ABHD2: variants seen among roughly 807,000 people sequenced by gnomAD.
ABHD2 encodes the protein monoacylglycerol lipase ABHD2.
A neutral mutation model predicts 48.1 loss-of-function variants in ABHD2; 20 were observed. That is an observed-to-expected ratio of 0.42 (90% CI 0.29 to 0.60). The LOEUF (loss-of-function observed/expected upper bound fraction) is 0.60. Ranked by LOEUF, ABHD2 falls within the 20% of genes least tolerant of loss-of-function variation. The probability of loss-of-function intolerance (pLI) is 0.24; values close to 1 mark genes in which losing one functional copy is unlikely to be tolerated. For missense variants in ABHD2, 405 were observed against 550.9 expected, an observed-to-expected ratio of 0.74 and a Z score of 2.65; for synonymous variants, 209 against 214.2, an observed-to-expected ratio of 0.98 and a Z score of 0.21.
At chr15:89,148,216 G>T (rs537350772) in intron 3 of ABHD2, among the ~76,000 whole-genome samples, 1 of 151,462 alleles carries the variant, frequency 6.6e-6, no homozygotes, top group African/African-American at 2.4e-5. Context: ...ATGGCTTAAT[G>T]TAGGGATAAT....
intron 3 of ABHD2, among the ~76,000 whole-genome samples, chr15:89,127,735 A>G (rs1350905641): frequency 7.0e-6 from 1 of 142,340 alleles, no homozygotes; most frequent in Non-Finnish European, 1.5e-5. Flanking sequence ...ATATATATAT[A>G]TATATGTATA....
At chr15:89,133,787 T>C (rs1341611144) in intron 3 of ABHD2, among the ~76,000 whole-genome samples, 2 of 152,096 alleles carry the variant, frequency 1.3e-5, no homozygotes, top group Non-Finnish European at 2.9e-5. Flanking sequence ...GTTCTCAGTT[T>C]GTCATTTGTC....
intron 6 of ABHD2, chr15:89,183,384 A>AAAAAAAAAAATATAT (rs61602174): frequency 2.2e-5 from 1 of 46,268 alleles, no homozygotes; most frequent in Non-Finnish European, 4.2e-5. Context: ...AAAAAAAAAA[A>AAAAAAAAAAATATAT]ATATATATAT....
Position 89,176,525 on chromosome 15 carries a change from T to C in ABHD2, c.722+530T>C, listed in dbSNP as rs542012919. On this transcript the variant is annotated intron_variant, in intron 6 of 10. Transcript: ENST00000352732. The surrounding 1 kb of genome is among the most constrained non-coding windows in gnomAD (Gnocchi z 4.5). ...CATCATCACAAAGGAGCTGATCTACTGGGTCAAGCTTTCTCCCACCCCTTA... is the reference window on the plus strand; with the variant it reads ...CATCATCACAAAGGAGCTGATCTACCGGGTCAAGCTTTCTCCCACCCCTTA... 6.6e-6 allele frequency among the ~76,000 whole-genome samples: 1 copy of C among 152,308 alleles called. No individual in the cohort carries two copies. The highest frequency in any genetic ancestry group is 6.5e-5 in the Admixed American group (1 of 15,306).
rs1408635535 is a variant in ABHD2, at chr15:89,097,054, T to C, written c.-107+8491T>C. Among the ~76,000 whole-genome samples the C allele has an allele frequency of 6.6e-6, 1 of 152,206 alleles. No homozygotes were observed. The highest frequency in any genetic ancestry group is 1.5e-5 in the Non-Finnish European group (1 of 68,046). ...TGAAAGTTGGGGTGAGCTTGGGCCTTTGTGACTAGCAGGACTGTTTGTCAT... is the reference window on the plus strand; with the variant it reads ...TGAAAGTTGGGGTGAGCTTGGGCCTCTGTGACTAGCAGGACTGTTTGTCAT... On this transcript the variant is annotated intron_variant, in intron 1 of 10. Coordinates refer to ENST00000352732, the MANE Select transcript of ABHD2 (RefSeq NM_152924.5). This position sits in a 1 kb window ranked among gnomAD's most constrained non-coding sequence, Gnocchi z 4.2.
the ABHD2 span, among the ~76,000 whole-genome samples, chr15:89,079,686 C>T: frequency 3.0e-3 from 455 of 152,242 alleles, 2 homozygotes; most frequent in African/African-American, 8.8e-3. This position sits in a 1 kb window ranked among gnomAD's most constrained non-coding sequence, Gnocchi z 4.3. Flanking sequence ...TATGGGGATG[C>T]GGCAAATTAA....
At chr15:89,163,347 T>C (rs2050790556) in intron 5 of ABHD2, among the ~76,000 whole-genome samples, 1 of 152,264 alleles carries the variant, frequency 6.6e-6, no homozygotes, top group African/African-American at 2.4e-5. Context: ...TCTTGTGACT[T>C]AGAACCCTTC....
At chr15:89,143,993 A>G (rs2050450859) in intron 3 of ABHD2, among the ~76,000 whole-genome samples, 1 of 152,228 alleles carries the variant, frequency 6.6e-6, no homozygotes, top group East Asian at 1.9e-4. Context: ...AAAGTTAAAC[A>G]TAGAATTGCC....
At chr15:89,156,651 T>A (rs2050678977) in intron 5 of ABHD2, among the ~76,000 whole-genome samples, 1 of 150,980 alleles carries the variant, frequency 6.6e-6, no homozygotes, top group East Asian at 2.0e-4. Context: ...GGCACGAGGA[T>A]CACTTGAACC....
At chr15:89,125,807 C>T (rs2050122098) in intron 3 of ABHD2, among the ~76,000 whole-genome samples, 1 of 152,174 alleles carries the variant, frequency 6.6e-6, no homozygotes, top group Non-Finnish European at 1.5e-5. Context: ...TTTGAGGTCT[C>T]CTATATTGAA....
rs2150958959 is a variant in ABHD2 at position 89,195,771 on chromosome 15, G to GCGATTTT, written c.*348_*349insCGATTTT. The GCGATTTT allele has an allele frequency of 4.3e-6, 1 of 232,268 alleles. No homozygotes were observed. The highest frequency in any genetic ancestry group is 2.3e-5 in the African/African-American group (1 of 43,790). 14.4% of individuals were successfully genotyped at this position (232,268 alleles called of 1,614,324 possible). ...TAGCGATTTTGCTTTGCCACCAAAAGGCTTTTCCCTGAGAACAGTGAAGGA... is the reference window on the plus strand; with the variant it reads ...TAGCGATTTTGCTTTGCCACCAAAAGCGATTTTGCTTTTCCCTGAGAACAGTGAAGGA... On this transcript the variant is annotated 3_prime_UTR_variant, in exon 11 of 11. Transcript: ENST00000352732. This position sits in a 1 kb window ranked among gnomAD's most constrained non-coding sequence, Gnocchi z 5.1.
At chr15:89,098,072 G>A (rs1336795180) in intron 1 of ABHD2, among the ~76,000 whole-genome samples, 3 of 151,942 alleles carry the variant, frequency 2.0e-5, no homozygotes, top group Non-Finnish European at 4.4e-5. Flanking sequence ...TAGAGATGGG[G>A]TTTCACCATG....
the ABHD2 span, among the ~76,000 whole-genome samples, chr15:89,068,217 C>T: frequency 6.6e-6 from 1 of 151,194 alleles, no homozygotes; most frequent in Non-Finnish European, 1.5e-5. Flanking sequence ...CACACACACA[C>T]ACACAAACTC....
At chr15:89,119,224 T>C (rs1487295644) in intron 3 of ABHD2, among the ~76,000 whole-genome samples, 4 of 152,324 alleles carry the variant, frequency 2.6e-5, no homozygotes, top group African/African-American at 9.6e-5. Context: ...CCTTTGATGA[T>C]AGGACCAGCC....
At chr15:89,122,640 G>T (rs1237482264) in intron 3 of ABHD2, among the ~76,000 whole-genome samples, 1 of 152,210 alleles carries the variant, frequency 6.6e-6, no homozygotes, top group Non-Finnish European at 1.5e-5. Context: ...TATGCATAAT[G>T]GCAGTTCACA....
rs576733597 is a variant in ABHD2 at position 89,192,160 on chromosome 15, C to T, written c.996+1011C>T. ...ATGTCCACCTGTAGGTTTGGCCCAT[C>T]ATTCCCCTGGCTAAAGCAGATCACT... On this transcript the variant is annotated intron_variant, in intron 9 of 10. Transcript: ENST00000352732. 3.9e-5 allele frequency among the ~76,000 whole-genome samples: 6 copies of T among 152,328 alleles called. No individual in the cohort carries two copies. In the East Asian group the frequency reaches 1.2e-3, roughly 29 times the overall value.
At chr15:89,060,559 CA>C in the ABHD2 span, among the ~76,000 whole-genome samples, 3 of 152,034 alleles carry the variant, frequency 2.0e-5, no homozygotes, top group African/African-American at 7.2e-5. Context: ...AACAAAAAGA[CA>C]AAACATAGGT....
At chr15:89,152,146 G>GCTCACTGCAA (rs2050602924) in intron 4 of ABHD2, among the ~76,000 whole-genome samples, 2 of 151,826 alleles carry the variant, frequency 1.3e-5, no homozygotes, top group South Asian at 4.2e-4. Flanking sequence ...CACGATCTCG[G>GCTCACTGCAA]CTCACTGCAA....
At position 89,168,813 on chromosome 15, in the gene ABHD2, TG is replaced by T. The variant is rs2050875269; in HGVS notation, c.539-6998del. On this transcript the variant is annotated intron_variant, in intron 5 of 10. Transcript: ENST00000352732. The surrounding 1 kb of genome is among the most constrained non-coding windows in gnomAD (Gnocchi z 4.8). ...AAAGCTGGGTGCAGTGGCTCACACC[TG>T]TAATCTCAGCACTTTGGGAAAGGAA... is the stretch of plus-strand genomic sequence containing the variant. 6.6e-6 allele frequency among the ~76,000 whole-genome samples: 1 copy of T among 152,308 alleles called. No individual in the cohort carries two copies. Among genetic ancestry groups the T allele is most frequent in the East Asian group, 1.9e-4 (1 of 5,180 alleles).
Sources: allele counts gnomAD v4.1 joint callset (sites outside exome capture counted in the v4.1 genomes callset), GRCh38; gene constraint gnomAD v4.1.1; non-coding constraint Gnocchi (gnomAD v3.1); transcripts MANE v1.5; gene names NCBI Gene and HGNC (gene_info 2026-07-23, HGNC 2026-07-21).